CHD2: variants seen among roughly 807,000 people sequenced by gnomAD.
CHD2 encodes the protein ATP-dependent chromatin remodeler CHD2.
CHD2 carries 28 observed loss-of-function variants against 243.9 expected under a neutral mutation model. The ratio of observed to expected loss-of-function variants is 0.11; its 90% CI spans 0.09 to 0.16. The LOEUF (loss-of-function observed/expected upper bound fraction) is 0.16, where lower values mean the gene tolerates loss of function less well. CHD2 is among the 10% of genes least tolerant of loss of function. The pLI is 1.00. For missense variants in CHD2, 1,386 were observed against 2,209.8 expected (o/e 0.63, Z 7.47); for synonymous variants, 775 against 779.0 (o/e 0.99, Z 0.09).
At chr15:92,904,579 G>T (rs994533572) in intron 2 of CHD2, 22 of 1,035,230 alleles carry the variant, frequency 2.1e-5, no homozygotes, top group African/African-American at 5.1e-5. Context: ...GTCCGCCCTT[G>T]CCTGTAGCGG....
chr15:92,920,209 A>G (rs1192398170), intron 2 of CHD2, among the ~76,000 whole-genome samples: 1 of 152,184 alleles, frequency 6.6e-6, no homozygotes, highest in Non-Finnish European at 1.5e-5. Context: ...TCACTCTCCT[A>G]CACAAACTCA....
At chr15:92,942,089 C>A in intron 8 of CHD2, 134 bp downstream of exon 8, 1 of 807,340 alleles carries the variant, frequency 1.2e-6, no homozygotes, top group East Asian at 2.6e-5. Flanking sequence ...CTTTCTGACC[C>A]AGTGTTTCAG....
chr15:93,002,626 C>T (rs1053505684), intron 33 of CHD2, among the ~76,000 whole-genome samples: 7 of 152,284 alleles, frequency 4.6e-5, no homozygotes, highest in African/African-American at 1.4e-4. Flanking sequence ...ATACGAAATA[C>T]GTTCTCAGAT....
chr15:92,933,374 A>AC (rs545775497), intron 5 of CHD2, among the ~76,000 whole-genome samples: 4 of 152,176 alleles, frequency 2.6e-5, no homozygotes, highest in Non-Finnish European at 5.9e-5. Context: ...ACAGTGATGG[A>AC]CCAGGAGTTC....
At chr15:93,004,591 G>A in intron 33 of CHD2, 26 bp from the exon 34 acceptor site, 1 of 1,596,928 alleles carries the variant, frequency 6.3e-7, no homozygotes, top group Non-Finnish European at 8.6e-7. Flanking sequence ...AAATGACAAT[G>A]ACTCCTTGTA....
chr15:92,982,780 T>C (rs2053995905), intron 24 of CHD2, among the ~76,000 whole-genome samples: 1 of 151,970 alleles, frequency 6.6e-6, no homozygotes, highest in Non-Finnish European at 1.5e-5. Context: ...AGAACAAGGA[T>C]GGAATTGAGT....
At chr15:93,000,928 G>T (rs924646111) in intron 32 of CHD2, among the ~76,000 whole-genome samples, 2 of 152,186 alleles carry the variant, frequency 1.3e-5, no homozygotes, top group African/African-American at 4.8e-5. Context: ...GAGTGCAATG[G>T]CACAATCCTG....
chr15:92,927,410 A>G, intron 4 of CHD2, 80 bp downstream of exon 4: 1 of 1,044,996 alleles, frequency 9.6e-7, no homozygotes, highest in Non-Finnish European at 1.5e-6. Flanking sequence ...ATGTATTACC[A>G]TTAAAAAGAC....
chr15:93,024,500 A>G lies in CHD2; in HGVS notation c.5282A>G (p.His1761Arg). The G allele has an allele frequency of 6.2e-7, 1 of 1,614,172 alleles. No individual in the cohort carries two copies. The highest frequency in any genetic ancestry group is 8.5e-7 in the Non-Finnish European group (1 of 1,180,026). Reference protein sequence around the residue: ...MGYHGQGPSDHYRSFHTDKLG... With the variant: ...MGYHGQGPSDRYRSFHTDKLG... The stretch of plus-strand genomic sequence containing the variant: ...TACCATGGCCAGGGACCCTCAGACC[A>G]TTACCGCTCTTTCCACACAGATAAA... The change falls in exon 39 of 39, where the codon CAT becomes CGT. Residue 1761 changes from histidine (H) to arginine (R), a missense_variant. This residue lies in a region of CHD2 where 347 missense variants were observed against 341.6 expected (regional missense o/e 1.02). Coordinates refer to ENST00000394196, the MANE Select transcript of CHD2 (RefSeq NM_001271.4).
At chr15:92,932,739 T>C (rs1188275937) in intron 5 of CHD2, among the ~76,000 whole-genome samples, 2 of 152,104 alleles carry the variant, frequency 1.3e-5, no homozygotes, top group African/African-American at 2.4e-5. Context: ...AAGAGACCAA[T>C]TACCCCGTCA....
intron 7 of CHD2, among the ~76,000 whole-genome samples, chr15:92,940,927 A>C (rs1376247377): frequency 2.1e-5 from 3 of 139,646 alleles, no homozygotes; most frequent in Non-Finnish European, 4.6e-5. Context: ...TATACATATA[A>C]ATATATATAA....
chr15:92,933,519 CT>C (rs1020129619), intron 5 of CHD2, among the ~76,000 whole-genome samples: 1 of 152,126 alleles, frequency 6.6e-6, no homozygotes, highest in African/African-American at 2.4e-5. Flanking sequence ...TGATTAAACT[CT>C]TTTTTTCATG....
intron 3 of CHD2, among the ~76,000 whole-genome samples, chr15:92,925,612 G>A (rs988822426): frequency 6.6e-6 from 1 of 152,190 alleles, no homozygotes; most frequent in Non-Finnish European, 1.5e-5. Flanking sequence ...AGAGGGCCAG[G>A]TGTGGGCATG....
At chr15:92,909,173 T>C (rs1255041665) in intron 2 of CHD2, among the ~76,000 whole-genome samples, 3 of 152,056 alleles carry the variant, frequency 2.0e-5, no homozygotes, top group Non-Finnish European at 2.9e-5. Context: ...CCCCTCAAGA[T>C]TCTGAATTCC....
chr15:93,015,153 A>G (rs2054442684), intron 37 of CHD2, among the ~76,000 whole-genome samples: 1 of 151,908 alleles, frequency 6.6e-6, no homozygotes, highest in South Asian at 2.1e-4. Context: ...ATCTCGGCTC[A>G]CTGCAACCTC....
chr15:93,013,112 G>T (rs1182764931), intron 36 of CHD2, among the ~76,000 whole-genome samples: 1 of 152,228 alleles, frequency 6.6e-6, no homozygotes, highest in Admixed American at 6.5e-5. Flanking sequence ...ACATAGAATG[G>T]AATAGAATGG....
chr15:92,940,058 T>C (rs1322989679), intron 7 of CHD2, among the ~76,000 whole-genome samples: 3 of 152,254 alleles, frequency 2.0e-5, no homozygotes, highest in Non-Finnish European at 4.4e-5. Context: ...TGAATTGCTC[T>C]TTGAATCACA....
At chr15:92,949,632 A>G (rs981209079) in intron 13 of CHD2, among the ~76,000 whole-genome samples, 2 of 152,226 alleles carry the variant, frequency 1.3e-5, no homozygotes, top group Non-Finnish European at 2.9e-5. Context: ...GGTGAAAAAA[A>G]GATGAGACAG....
chr15:92,984,690 A>C (rs1268642055), intron 25 of CHD2, among the ~76,000 whole-genome samples, 190 bp downstream of exon 25: 2 of 152,204 alleles, frequency 1.3e-5, no homozygotes, highest in Non-Finnish European at 2.9e-5. Flanking sequence ...CACCTGTGAG[A>C]CATCGGATTT....
Sources: gnomAD v4.1 joint callset for allele counts (sites outside exome capture counted in the v4.1 genomes callset) on GRCh38, gnomAD v4.1.1 for gene constraint, gnomAD v4.1.1 regional missense constraint, MANE v1.5 for transcripts, NCBI Gene and HGNC (gene_info 2026-07-23, HGNC 2026-07-21) for gene names.